The following NTSR1 variants were observed in gnomAD, a reference collection of about 807,000 sequenced individuals.
NTSR1 encodes neurotensin receptor type 1.
In NTSR1, 29 loss-of-function variants were observed where a neutral mutation model predicts 31.2. The observed-to-expected ratio is 0.93, with a 90% CI of 0.69 to 1.27. NTSR1 has a LOEUF of 1.27. Among genes scored for constraint, NTSR1 ranks in the 50% most tolerant of loss-of-function variants. The pLI, the probability that NTSR1 is intolerant of heterozygous loss-of-function variation, is 0.00. For missense variants in NTSR1, 697 were observed against 595.4 expected (o/e 1.17, Z -1.78); for synonymous variants, 282 against 269.9 (o/e 1.04, Z -0.44).
At position 62,719,791 on chromosome 20, in the gene NTSR1, C is replaced by G. The variant is rs113450620; in HGVS notation, c.714+9870C>G. Among the ~76,000 whole-genome samples the G allele has an allele frequency of 3.1e-3, 470 of 152,280 alleles. 5 individuals carry two copies. The highest frequency in any genetic ancestry group is 0.011 in the African/African-American group (444 of 41,558). On this transcript the variant is annotated intron_variant, in intron 1 of 3. Transcript: ENST00000370501. ...TTTGCTGAGAATTTTTGTGTCTATG[C>G]TCATGAGAAATATTGGTCTGTAAGT...
intron 1 of NTSR1, among the ~76,000 whole-genome samples, chr20:62,736,993 C>A (rs1360199966): frequency 1.3e-5 from 2 of 152,260 alleles, no homozygotes; most frequent in African/African-American, 4.8e-5. Context: ...GCTTCTCCCT[C>A]CACCATGATT....
rs1444643650 is a variant in NTSR1, at chr20:62,754,824, C to T, written c.854C>T (p.Thr285Ile). The T allele has an allele frequency of 1.2e-6, 2 of 1,609,400 alleles. No individual in the cohort carries two copies. The highest frequency in any genetic ancestry group is 2.7e-5 in the African/African-American group (2 of 74,882). Residue 285 changes from threonine (T) to isoleucine (I), a missense_variant, in exon 2 of 4, where the codon ACA becomes ATA. By Grantham distance (89) the Thr-to-Ile change is moderately conservative. Transcript: ENST00000370501. Reference protein sequence around the residue: ...QVCTVGGEHSTFSMAIEPGRV... With the variant: ...QVCTVGGEHSIFSMAIEPGRV... Reference sequence around the variant, plus strand: ...TGCACGGTCGGGGGCGAGCACAGCACATTCAGCATGGCCATCGAGCCTGGC... The same window carrying T: ...TGCACGGTCGGGGGCGAGCACAGCATATTCAGCATGGCCATCGAGCCTGGC...
In NTSR1 at chr20:62,744,480, G is replaced by A. The variant is rs866555664; in HGVS notation, c.715-10205G>A. Reference sequence around the variant, plus strand: ...TGAGGCAGGAGAATGGCGTGAACCCGGGAGGTGGAGCTTGCAATGAGCTGA... The same window carrying A: ...TGAGGCAGGAGAATGGCGTGAACCCAGGAGGTGGAGCTTGCAATGAGCTGA... On this transcript the variant is annotated intron_variant, in intron 1 of 3. Transcript: ENST00000370501. This position sits in a 1 kb window ranked among gnomAD's most constrained non-coding sequence, Gnocchi z 4.1. Among the ~76,000 whole-genome samples the A allele has an allele frequency of 4.6e-5, 7 of 151,942 alleles. No individual in the cohort carries two copies. The Middle Eastern group carries it at 0.01, about 221-fold the overall frequency.
At position 62,709,280 on chromosome 20, in the gene NTSR1, G is replaced by C. The variant is rs1387544025; in HGVS notation, c.73G>C (p.Gly25Arg). 3.2e-6 allele frequency: 5 copies of C among 1,579,234 alleles called. No homozygotes were observed. Among genetic ancestry groups the C allele is most frequent in the Non-Finnish European group, 4.3e-6 (5 of 1,167,676 alleles). Residue 25 changes from glycine to arginine, a missense_variant, in exon 1 of 4, where the codon GGA becomes CGA. By Grantham distance (125) the Gly-to-Arg change is moderately radical. Transcript: ENST00000370501. ...CGACCCCTTCCAGCGGGCGCAGGCC[G>C]GACTGGAGGAGGCGCTGCTGGCCCC... is the stretch of plus-strand genomic sequence containing the variant. The part of the protein sequence containing the change: ...AADPFQRAQA[G>R]LEEALLAPGF...
intron 3 of NTSR1, among the ~76,000 whole-genome samples, chr20:62,759,680 CAGG>C (rs1328342948): frequency 1.3e-5 from 2 of 150,642 alleles, no homozygotes; most frequent in Non-Finnish European, 2.9e-5. Flanking sequence ...GAGGCTGAGG[CAGG>C]AGAATGGTGT....
rs549218394 is a variant in NTSR1 at position 62,745,517 on chromosome 20, G to T, written c.715-9168G>T. 2.7e-4 allele frequency among the ~76,000 whole-genome samples: 41 copies of T among 152,090 alleles called. No individual in the cohort carries two copies. The highest frequency in any genetic ancestry group is 9.2e-4 in the African/African-American group (38 of 41,470). ...ACAGAGACAGACACAGGAAAACAGT[G>T]AAAGACAGAGACACAGAGGAAAACA... On this transcript the variant is annotated intron_variant, in intron 1 of 3. Coordinates refer to ENST00000370501, the MANE Select transcript of NTSR1 (RefSeq NM_002531.3). This position sits in a 1 kb window ranked among gnomAD's most constrained non-coding sequence, Gnocchi z 4.1.
chr20:62,752,789 C>A (rs1282248990), intron 1 of NTSR1, among the ~76,000 whole-genome samples: 1 of 152,190 alleles, frequency 6.6e-6, no homozygotes, highest in African/African-American at 2.4e-5. Context: ...TGTCCCCGCT[C>A]CCAGCAGCCG....
At chr20:62,719,107 C>A (rs1600720032) in intron 1 of NTSR1, among the ~76,000 whole-genome samples, 1 of 52,198 alleles carries the variant, frequency 1.9e-5, no homozygotes, top group Non-Finnish European at 5.8e-5. Flanking sequence ...TGCTTCCAGT[C>A]CCTTTTTTTT....
Position 62,709,182 on chromosome 20 carries a change from C to CCTCT in NTSR1, c.-26_-25insCTCT. On this transcript the variant is annotated 5_prime_UTR_variant, in exon 1 of 4. Transcript: ENST00000370501. ...GACTTCCAGCCCCGGAGGCGCCGGACAGAGCCGCGGACTCCAGCGCCCACC... is the reference window on the plus strand; with the variant it reads ...GACTTCCAGCCCCGGAGGCGCCGGACCTCTAGAGCCGCGGACTCCAGCGCCCACC... 1.4e-6 allele frequency: 2 copies of CCTCT among 1,393,430 alleles called. No individual in the cohort carries two copies. Among genetic ancestry groups the CCTCT allele is most frequent in the Non-Finnish European group, 1.9e-6 (2 of 1,080,456 alleles). 86.3% of individuals were successfully genotyped at this position (1,393,430 alleles called of 1,614,324 possible).
intron 1 of NTSR1, among the ~76,000 whole-genome samples, chr20:62,717,560 A>C (rs1027249712): frequency 1.2e-4 from 18 of 152,172 alleles, no homozygotes; most frequent in Non-Finnish European, 2.4e-4. Context: ...TCATGAGTTA[A>C]TGACATAAAA....
At chr20:62,749,626 G>T (rs1221467704) in intron 1 of NTSR1, among the ~76,000 whole-genome samples, 1 of 152,176 alleles carries the variant, frequency 6.6e-6, no homozygotes, top group Admixed American at 6.5e-5. Flanking sequence ...ATTTAAAAAT[G>T]GAAAAGGGGC....
At chr20:62,749,161 G>A (rs1299433154) in intron 1 of NTSR1, among the ~76,000 whole-genome samples, 2 of 152,216 alleles carry the variant, frequency 1.3e-5, no homozygotes, top group African/African-American at 4.8e-5. Context: ...GAAATTGTAG[G>A]CCGGGCGCGG....
Position 62,709,834 on chromosome 20 carries a change from G to A in NTSR1, c.627G>A (p.Glu209=). The A allele has an allele frequency of 6.2e-7, 1 of 1,611,426 alleles. No individual in the cohort carries two copies. Among genetic ancestry groups the A allele is most frequent in the Non-Finnish European group, 8.5e-7 (1 of 1,178,918 alleles). Reference sequence around the variant, plus strand: ...TGCCTATGCTGTTCACCATGGGCGAGCAGAACCGCAGCGCCGACGGCCAGC... The same window carrying A: ...TGCCTATGCTGTTCACCATGGGCGAACAGAACCGCAGCGCCGACGGCCAGC... ...LAVPMLFTMG[E]QNRSADGQHA... is the part of the protein sequence containing the mutation. Residue 209 remains glutamate, a synonymous_variant, in exon 1 of 4, where the codon GAG becomes GAA. Coordinates refer to ENST00000370501, the MANE Select transcript of NTSR1 (RefSeq NM_002531.3).
At position 62,729,881 on chromosome 20, in the gene NTSR1, C is replaced by G. The variant is rs1002398371; in HGVS notation, c.714+19960C>G. Among the ~76,000 whole-genome samples the G allele has an allele frequency of 3.3e-4, 50 of 152,096 alleles. 1 individual carries two copies. Among genetic ancestry groups the G allele is most frequent in the African/African-American group, 1.2e-3 (50 of 41,388 alleles). Reference sequence around the variant, plus strand: ...CAAGTGATCTGCCTGCCTCGGCCTCCCAAAGTGCTGGGATGACAGGCCTGA... The same window carrying G: ...CAAGTGATCTGCCTGCCTCGGCCTCGCAAAGTGCTGGGATGACAGGCCTGA... On this transcript the variant is annotated intron_variant, in intron 1 of 3. Transcript: ENST00000370501.
intron 1 of NTSR1, among the ~76,000 whole-genome samples, chr20:62,748,135 A>G (rs1052797609): frequency 1.3e-5 from 2 of 149,806 alleles, no homozygotes; most frequent in African/African-American, 2.5e-5. Context: ...AAATTGTGCC[A>G]TTGCACTCCA....
In NTSR1 at chr20:62,754,833, T is replaced by A; in HGVS notation, c.863T>A (p.Met288Lys). 1 of 1,608,502 alleles carries A rather than the reference T, an allele frequency of 6.2e-7. No homozygotes were observed. ...TVGGEHSTFS[M>K]AIEPGRVQAL... ...GGGGGCGAGCACAGCACATTCAGCA[T>A]GGCCATCGAGCCTGGCAGGGTCCAG... Residue 288 changes from methionine (M) to lysine (K), a missense_variant, in exon 2 of 4, where the codon ATG (methionine) becomes AAG (lysine). By Grantham distance (95) the Met-to-Lys change is moderately conservative. Transcript: ENST00000370501.
chr20:62,708,906 G>A lies in NTSR1; in HGVS notation c.-302G>A, dbSNP rs1273112767. The A allele has an allele frequency of 1.2e-5, 4 of 341,806 alleles. No individual in the cohort carries two copies. The highest frequency in any genetic ancestry group is 8.5e-5 in the African/African-American group (4 of 46,884). 21.2% of individuals were successfully genotyped at this position (341,806 alleles called of 1,614,324 possible). A position where few individuals can be genotyped will look rare whatever the true frequency, so the allele number is the denominator to read the frequency against. ...GGGGGCCTGGGGAACCGCGCGGTTT[G>A]GAGATCGGAGGCACCTGGAACCCGT... On this transcript the variant is annotated 5_prime_UTR_variant, in exon 1 of 4. Coordinates refer to ENST00000370501, the MANE Select transcript of NTSR1 (RefSeq NM_002531.3). This position sits in a 1 kb window ranked among gnomAD's most constrained non-coding sequence, Gnocchi z 5.9.
chr20:62,738,746 C>T (rs1200574789), intron 1 of NTSR1, among the ~76,000 whole-genome samples: 1 of 152,242 alleles, frequency 6.6e-6, no homozygotes, highest in Non-Finnish European at 1.5e-5. Flanking sequence ...CAGGCTCACG[C>T]TGGTCCTCGA....
intron 1 of NTSR1, among the ~76,000 whole-genome samples, chr20:62,746,162 C>G (rs987979232): frequency 6.6e-6 from 1 of 152,178 alleles, no homozygotes; most frequent in Non-Finnish European, 1.5e-5. Context: ...CACCAGGCCC[C>G]CACACTACCC....
Sources: allele counts gnomAD v4.1 joint callset (sites outside exome capture counted in the v4.1 genomes callset), GRCh38; gene constraint gnomAD v4.1.1; non-coding constraint Gnocchi (gnomAD v3.1); transcripts MANE v1.5; gene names NCBI Gene and HGNC (gene_info 2026-07-23, HGNC 2026-07-21).